ZNF778: variants seen among roughly 807,000 people sequenced by gnomAD.
ZNF778 encodes zinc finger protein 778.
A neutral mutation model predicts 23.9 loss-of-function variants in ZNF778; 37 were observed. The observed-to-expected ratio is 1.54, with a 90% CI of 1.19 to 2.03. The LOEUF is 2.03. Among genes scored for constraint, ZNF778 ranks in the 30% most tolerant of loss-of-function variants. ZNF778 has a pLI of 0.00. For synonymous variants in ZNF778, 483 were observed against 343.9 expected, an observed-to-expected ratio of 1.40 and a Z score of -4.48; for missense variants, 1,297 against 934.4, an observed-to-expected ratio of 1.39 and a Z score of -5.06.
chr16:89,224,599 A>G (rs959886778), intron 4 of ZNF778, 120 bp from the exon 5 acceptor site: 7 of 699,788 alleles, frequency 1.0e-5, no homozygotes, highest in Non-Finnish European at 1.7e-5. Flanking sequence ...AGCCTGGGCA[A>G]CAGCGCGAGA....
Position 89,232,390 on chromosome 16 carries a change from C to T in ZNF778, c.*3828C>T. On this transcript the variant is annotated 3_prime_UTR_variant, in exon 7 of 7. Coordinates refer to ENST00000433976, the MANE Select transcript of ZNF778 (RefSeq NM_001201407.2). Reference sequence around the variant, plus strand: ...AACCATGAGCCAAATAAGCCTCTTTCTAAGTTACCCACAGCCTCAGATATG... The same window carrying T: ...AACCATGAGCCAAATAAGCCTCTTTTTAAGTTACCCACAGCCTCAGATATG... 1 of 300,700 alleles carries T rather than the reference C, an allele frequency of 3.3e-6. No homozygotes were observed. Among genetic ancestry groups the T allele is most frequent in the South Asian group, 3.1e-5 (1 of 32,374 alleles). 18.6% of individuals were successfully genotyped at this position (300,700 alleles called of 1,614,324 possible). A position where few individuals can be genotyped will look rare whatever the true frequency, so the allele number is the denominator to read the frequency against.
chr16:89,221,126 G>A lies in ZNF778; in HGVS notation c.-2G>A, dbSNP rs901183081. 18 of 1,568,136 alleles carry A rather than the reference G, an allele frequency of 1.1e-5. No homozygotes were observed. The Admixed American group carries it at 1.3e-4, about 11-fold the overall frequency. ...TTCAGACGCTTCCGTCAGCCTCCCAGGATGGCAGCCCCTGACCTGGCCCAC... is the reference window on the plus strand; with the variant it reads ...TTCAGACGCTTCCGTCAGCCTCCCAAGATGGCAGCCCCTGACCTGGCCCAC... On this transcript the variant is annotated 5_prime_UTR_variant, in exon 2 of 7. Transcript: ENST00000433976.
At position 89,229,877 on chromosome 16, in the gene ZNF778, A is replaced by G; in HGVS notation, c.*1315A>G. ...TGGTTGGTTAGTCTTGAGGATCCAG[A>G]TGTGATCCTGTGTGAGCAGCGTAGG... is the stretch of plus-strand genomic sequence containing the variant. On this transcript the variant is annotated 3_prime_UTR_variant, in exon 7 of 7. Coordinates refer to ENST00000433976, the MANE Select transcript of ZNF778 (RefSeq NM_001201407.2). The G allele has an allele frequency of 1.3e-5, 13 of 983,368 alleles. No homozygotes were observed. The highest frequency in any genetic ancestry group is 1.6e-5 in the Non-Finnish European group (13 of 828,626). 60.9% of individuals were successfully genotyped at this position (983,368 alleles called of 1,614,324 possible).
rs9921361 is a variant in ZNF778, at chr16:89,228,031, G to C, written c.1743G>C (p.Gln581His). Residue 581 changes from glutamine to histidine, a missense_variant, in exon 7 of 7, where the codon CAG (glutamine) becomes CAC (histidine). Gln to His is a conservative substitution (Grantham distance 24). Coordinates refer to ENST00000433976, the MANE Select transcript of ZNF778 (RefSeq NM_001201407.2). Reference sequence around the variant, plus strand: ...CCTCGTGCCTGAATAAGCACATTCAGATTCACACTGGAATAAAACCTTATG... The same window carrying C: ...CCTCGTGCCTGAATAAGCACATTCACATTCACACTGGAATAAAACCTTATG... ...RNSSCLNKHIQIHTGIKPYEC... is the reference protein window; with the variant it reads ...RNSSCLNKHIHIHTGIKPYEC... The C allele has an allele frequency of 6.2e-7, 1 of 1,613,736 alleles. No homozygotes were observed. The highest frequency in any genetic ancestry group is 8.5e-7 in the Non-Finnish European group (1 of 1,179,828).
Position 89,232,980 on chromosome 16 carries a change from C to T in ZNF778, c.*4418C>T, listed in dbSNP as rs368869476. ...CTCGCTCTGCGTATGCAACTGAGCT[C>T]GCTCTGCGTATGCAACCCAGCTCGC... On this transcript the variant is annotated 3_prime_UTR_variant, in exon 7 of 7. Transcript: ENST00000433976. The T allele has an allele frequency of 2.2e-5, 28 of 1,262,048 alleles. 4 individuals are homozygous for T. The highest frequency in any genetic ancestry group is 4.8e-5 in the Admixed American group (2 of 41,558). The allele number at this position is 1,262,048 out of a possible 1,614,324, so 78.2% of individuals were successfully genotyped here. A position where few individuals can be genotyped will look rare whatever the true frequency, so the allele number is the denominator to read the frequency against.
Position 89,226,827 on chromosome 16 carries a change from G to C in ZNF778, c.539G>C (p.Arg180Thr). The change falls in exon 7 of 7, where the codon AGG becomes ACG. Residue 180 changes from arginine to threonine, a missense_variant. Physicochemically the swap from Arg to Thr is moderately conservative, Grantham distance 71 (BLOSUM62 -1). Transcript: ENST00000433976. ...GDSCVSNHYERDFFIPCQKTL... is the reference protein window; with the variant it reads ...GDSCVSNHYETDFFIPCQKTL... ...AGTTGTGTGTCTAATCATTATGAAA[G>C]GGACTTTTTTATTCCATGCCAGAAA... 1 of 1,614,020 alleles carries C rather than the reference G, an allele frequency of 6.2e-7. No homozygotes were observed. Among genetic ancestry groups the C allele is most frequent in the Non-Finnish European group, 8.5e-7 (1 of 1,179,896 alleles).
rs1392247105 is a variant in ZNF778, at chr16:89,233,571, C to T, written c.*5009C>T. 18 of 1,137,224 alleles carry T rather than the reference C, an allele frequency of 1.6e-5. No individual in the cohort carries two copies. The highest frequency in any genetic ancestry group is 2.3e-4 in the Middle Eastern group (1 of 4,304). 70.4% of individuals were successfully genotyped at this position (1,137,224 alleles called of 1,614,324 possible). On this transcript the variant is annotated 3_prime_UTR_variant, in exon 7 of 7. Coordinates refer to ENST00000433976, the MANE Select transcript of ZNF778 (RefSeq NM_001201407.2). ...AACTCACTGCATATGCAACTCAGCTCGCACTGCATATGCAACGCAACTCAA... is the reference window on the plus strand; with the variant it reads ...AACTCACTGCATATGCAACTCAGCTTGCACTGCATATGCAACGCAACTCAA...
rs1403860553 is a variant in ZNF778, at chr16:89,230,680, G to A, written c.*2118G>A. ...GAGCAAGACTTCATGTGAGTGACAC[G>A]AATGTGTGTCCTCTGGCTGCAGCAA... On this transcript the variant is annotated 3_prime_UTR_variant, in exon 7 of 7. Transcript: ENST00000433976. 1.3e-5 allele frequency: 2 copies of A among 152,252 alleles called. No homozygotes were observed. Among genetic ancestry groups the A allele is most frequent in the East Asian group, 1.9e-4 (1 of 5,206 alleles). The allele number at this position is 152,252 out of a possible 1,614,324, so 9.4% of individuals were successfully genotyped here.
rs925619379 is a variant in ZNF778 at position 89,235,718 on chromosome 16, A to T, written c.*7156A>T. On this transcript the variant is annotated 3_prime_UTR_variant, in exon 7 of 7. Transcript: ENST00000433976. ...TGATACCAAATGGCTAACATTCATG[A>T]CCTCAGTATCCTGGAAGAAAAGGAG... is the stretch of plus-strand genomic sequence containing the variant. 6.6e-6 allele frequency: 1 copy of T among 152,202 alleles called. No homozygotes were observed. Among genetic ancestry groups the T allele is most frequent in the African/African-American group, 2.4e-5 (1 of 41,446 alleles). 9.4% of individuals were successfully genotyped at this position (152,202 alleles called of 1,614,324 possible). A position where few individuals can be genotyped will look rare whatever the true frequency, so the allele number is the denominator to read the frequency against.
chr16:89,227,878 G>A lies in ZNF778; in HGVS notation c.1590G>A (p.Glu530=). 1 of 1,614,138 alleles carries A rather than the reference G, an allele frequency of 6.2e-7. No individual in the cohort carries two copies. The highest frequency in any genetic ancestry group is 8.5e-7 in the Non-Finnish European group (1 of 1,180,008). Residue 530 remains glutamate (E), a synonymous_variant, in exon 7 of 7, where the codon GAG becomes GAA. Transcript: ENST00000433976. ...LTKHMRTHTG[E]KPYECKDCGK... ...AACACATGCGGACACACACCGGGGA[G>A]AAGCCCTATGAATGTAAGGACTGTG...
chr16:89,223,077 G>T, intron 3 of ZNF778, 80 bp from the exon 4 acceptor site: 1 of 1,531,696 alleles, frequency 6.5e-7, no homozygotes, highest in Non-Finnish European at 8.8e-7. Context: ...TCCCATAGGC[G>T]TAGGGCCCCG....
At position 89,228,451 on chromosome 16, in the gene ZNF778, A is replaced by G. The variant is rs767507413; in HGVS notation, c.2163A>G (p.Lys721=). 6.2e-7 allele frequency: 1 copy of G among 1,613,930 alleles called. No individual in the cohort carries two copies. The highest frequency in any genetic ancestry group is 8.5e-7 in the Non-Finnish European group (1 of 1,179,856). Reference sequence around the variant, plus strand: ...TTTATCTACTAAAAGAACATTTAAAAACTTACACTGAAGAGCAGGTTTTTG... The same window carrying G: ...TTTATCTACTAAAAGAACATTTAAAGACTTACACTGAAGAGCAGGTTTTTG... ...NRFYLLKEHL[K]TYTEEQVFVC... Residue 721 remains lysine (K), a synonymous_variant, in exon 7 of 7, where the codon AAA becomes AAG. Coordinates refer to ENST00000433976, the MANE Select transcript of ZNF778 (RefSeq NM_001201407.2).
Position 89,227,326 on chromosome 16 carries a change from C to T in ZNF778, c.1038C>T (p.Phe346=). ...AATGTAAAGAATGCGGAAAAGCCTTCACTGGACTCTCAGGTCTTTCTAAAC... is the reference window on the plus strand; with the variant it reads ...AATGTAAAGAATGCGGAAAAGCCTTTACTGGACTCTCAGGTCTTTCTAAAC... ...PCECKECGKA[F]TGLSGLSKHV... is the part of the protein sequence containing the mutation. Residue 346 remains phenylalanine, a synonymous_variant, in exon 7 of 7, where the codon TTC becomes TTT. Transcript: ENST00000433976. The T allele has an allele frequency of 6.2e-7, 1 of 1,614,012 alleles. No homozygotes were observed. The highest frequency in any genetic ancestry group is 8.5e-7 in the Non-Finnish European group (1 of 1,179,884).
Position 89,235,461 on chromosome 16 carries a change from A to T in ZNF778, c.*6899A>T, listed in dbSNP as rs2032209764. The T allele has an allele frequency of 6.6e-6, 1 of 152,214 alleles. No homozygotes were observed. The highest frequency in any genetic ancestry group is 1.5e-5 in the Non-Finnish European group (1 of 68,042). The allele number at this position is 152,214 out of a possible 1,614,324, so 9.4% of individuals were successfully genotyped here. ...GTGGACGAGCCTCGCCCGAGAAGAG[A>T]CATGAGCAGTTCTGCGTAGGCTTTA... On this transcript the variant is annotated 3_prime_UTR_variant, in exon 7 of 7. Coordinates refer to ENST00000433976, the MANE Select transcript of ZNF778 (RefSeq NM_001201407.2).
chr16:89,232,860 A>ATCAACTCGCACTGCGTATGCACC lies in ZNF778; in HGVS notation c.*4319_*4320insCCTCAACTCGCACTGCGTATGCA. 8.8e-7 allele frequency: 1 copy of ATCAACTCGCACTGCGTATGCACC among 1,141,286 alleles called. No individual in the cohort carries two copies. Among genetic ancestry groups the ATCAACTCGCACTGCGTATGCACC allele is most frequent in the Admixed American group, 2.5e-5 (1 of 39,426 alleles). 70.7% of individuals were successfully genotyped at this position (1,141,286 alleles called of 1,614,324 possible). A position where few individuals can be genotyped will look rare whatever the true frequency, so the allele number is the denominator to read the frequency against. On this transcript the variant is annotated 3_prime_UTR_variant, in exon 7 of 7. Coordinates refer to ENST00000433976, the MANE Select transcript of ZNF778 (RefSeq NM_001201407.2). ...AACTCAACTCACACCGTGTATGCAA[A>ATCAACTCGCACTGCGTATGCACC]TCAACTCGCACTGCGTATGCAACTC...
In ZNF778 at chr16:89,227,228, T is replaced by C. The variant is rs1370906860; in HGVS notation, c.940T>C (p.Cys314Arg). ...GGAAAAGCCCTGTGAATTGGAAGAA[T>C]GTGGAAAAGCCTCCCCTGTTTCTTC... ...PGEKPCELEECGKASPVSSSL... is the reference protein window; with the variant it reads ...PGEKPCELEERGKASPVSSSL... Residue 314 changes from cysteine to arginine, a missense_variant, in exon 7 of 7, where the codon TGT becomes CGT. Transcript: ENST00000433976. 4.3e-6 allele frequency: 7 copies of C among 1,613,558 alleles called. No individual in the cohort carries two copies. Among genetic ancestry groups the C allele is most frequent in the Non-Finnish European group, 5.1e-6 (6 of 1,179,522 alleles).
In ZNF778 at chr16:89,231,657, C is replaced by G. The variant is rs1444584033; in HGVS notation, c.*3095C>G. On this transcript the variant is annotated 3_prime_UTR_variant, in exon 7 of 7. Coordinates refer to ENST00000433976, the MANE Select transcript of ZNF778 (RefSeq NM_001201407.2). ...CTGGTGTAATCTCAACCAAAACCCA[C>G]AGCCCTGCACCCCTTGCCTGTAGGA... 6.6e-6 allele frequency: 1 copy of G among 152,200 alleles called. No homozygotes were observed. Among genetic ancestry groups the G allele is most frequent in the Non-Finnish European group, 1.5e-5 (1 of 68,042 alleles). 9.4% of individuals were successfully genotyped at this position (152,200 alleles called of 1,614,324 possible).
Position 89,236,121 on chromosome 16 carries a change from G to A in ZNF778, c.*7559G>A, listed in dbSNP as rs1283024968. 6.6e-6 allele frequency: 1 copy of A among 152,192 alleles called. No homozygotes were observed. Among genetic ancestry groups the A allele is most frequent in the African/African-American group, 2.4e-5 (1 of 41,412 alleles). The allele number at this position is 152,192 out of a possible 1,614,324, so 9.4% of individuals were successfully genotyped here. ...GAACCCGGGAGGCAGAGCATGCAGT[G>A]AGCTGAGATTGCACCACTGCACTCC... On this transcript the variant is annotated 3_prime_UTR_variant, in exon 7 of 7. Coordinates refer to ENST00000433976, the MANE Select transcript of ZNF778 (RefSeq NM_001201407.2).
At position 89,227,654 on chromosome 16, in the gene ZNF778, A is replaced by C. The variant is rs1196985078; in HGVS notation, c.1366A>C (p.Lys456Gln). The change falls in exon 7 of 7, where the codon AAA becomes CAA. Residue 456 changes from lysine (K) to glutamine (Q), a missense_variant. Transcript: ENST00000433976. ...GCCATACACGTGTAAGGACTGCGGG[A>C]AAGCCTTCTGTACATCCTCGGGCCT... The part of the protein sequence containing the change: ...EKPYTCKDCG[K>Q]AFCTSSGLTE... 1 of 1,614,190 alleles carries C rather than the reference A, an allele frequency of 6.2e-7. No homozygotes were observed. The highest frequency in any genetic ancestry group is 8.5e-7 in the Non-Finnish European group (1 of 1,180,006).
Sources: gnomAD v4.1 joint callset for allele counts on GRCh38, gnomAD v4.1.1 for gene constraint, MANE v1.5 for transcripts, NCBI Gene and HGNC (gene_info 2026-07-23, HGNC 2026-07-21) for gene names.